Variants in LFNG observed in about 807,000 individuals in gnomAD.
LFNG encodes LFNG O-fucosylpeptide 3-beta-N-acetylglucosaminyltransferase.
A neutral mutation model predicts 32.7 loss-of-function variants in LFNG; 15 were observed. That is an observed-to-expected ratio of 0.46 (90% CI 0.31 to 0.71). LFNG has a LOEUF of 0.71. Among genes scored for constraint, LFNG ranks in the 30% least tolerant of loss-of-function variants. LFNG has a pLI of 0.06. For missense variants in LFNG, 520 were observed against 545.7 expected, an observed-to-expected ratio of 0.95 and a Z score of 0.47; for synonymous variants, 274 against 246.8, an observed-to-expected ratio of 1.11 and a Z score of -1.03.
chr7:2,518,690 G>A, upstream of LFNG: 1 of 1,532,638 alleles, frequency 6.5e-7, no homozygotes, highest in Non-Finnish European at 8.8e-7. Flanking sequence ...AGCCACGGTG[G>A]TGGCGGTGGT....
In LFNG at chr7:2,520,189, C is replaced by G; in HGVS notation, c.328C>G (p.Leu110Val). ...CCACCCGCGCCCCCTGGCCGAGCCG[C>G]TCGCGCCCCGAGACGTCTTCATCGC... ...DGHPRPLAEP[L>V]APRDVFIAVK... Residue 110 changes from leucine (L) to valine (V), a missense_variant, in exon 1 of 8, where the codon CTC (leucine) becomes GTC (valine). Leu to Val is a conservative substitution (Grantham distance 32). Coordinates refer to ENST00000222725, the MANE Select transcript of LFNG (RefSeq NM_001040167.2). The surrounding 1 kb of genome is among the most constrained non-coding windows in gnomAD (Gnocchi z 5.0). 6.3e-7 allele frequency: 1 copy of G among 1,580,224 alleles called. No homozygotes were observed. Among genetic ancestry groups the G allele is most frequent in the Non-Finnish European group, 8.6e-7 (1 of 1,165,100 alleles).
At position 2,527,252 on chromosome 7, in the gene LFNG, T is replaced by C. The variant is rs1327960812; in HGVS notation, c.*40T>C. On this transcript the variant is annotated 3_prime_UTR_variant, in exon 8 of 8. Coordinates refer to ENST00000222725, the MANE Select transcript of LFNG (RefSeq NM_001040167.2). The surrounding 1 kb of genome is among the most constrained non-coding windows in gnomAD (Gnocchi z 4.4). ...ACCCAATCCCTGGGCGCCCCTGGTATCCAAAGGGCCCAGGGACCCTGTTGC... is the reference window on the plus strand; with the variant it reads ...ACCCAATCCCTGGGCGCCCCTGGTACCCAAAGGGCCCAGGGACCCTGTTGC... 1 of 1,607,334 alleles carries C rather than the reference T, an allele frequency of 6.2e-7. No homozygotes were observed. Among genetic ancestry groups the C allele is most frequent in the Non-Finnish European group, 8.5e-7 (1 of 1,178,978 alleles).
chr7:2,520,604 G>GGA lies in LFNG; in HGVS notation c.432+313_432+314dup, dbSNP rs1779762378. Among the ~76,000 whole-genome samples, 1 of 152,234 alleles carries GGA rather than the reference G, an allele frequency of 6.6e-6. No individual in the cohort carries two copies. Among genetic ancestry groups the GGA allele is most frequent in the African/African-American group, 2.4e-5 (1 of 41,458 alleles). On this transcript the variant is annotated intron_variant, in intron 1 of 7. Transcript: ENST00000222725. This position sits in a 1 kb window ranked among gnomAD's most constrained non-coding sequence, Gnocchi z 5.0. ...TGATACTTCTCACCCCGTAAACATT[G>GGA]GAGCGCATTCATAGGGCATTATGTC...
At position 2,526,466 on chromosome 7, in the gene LFNG, CTG is replaced by C; in HGVS notation, c.987+58_987+59del. The C allele has an allele frequency of 1.9e-6, 3 of 1,583,978 alleles. No homozygotes were observed. On this transcript the variant is annotated intron_variant, in intron 6 of 7. Coordinates refer to ENST00000222725, the MANE Select transcript of LFNG (RefSeq NM_001040167.2). This position sits in a 1 kb window ranked among gnomAD's most constrained non-coding sequence, Gnocchi z 6.9. ...CGAGAGCACAGGAAGGGACGTGTGG[CTG>C]CCGAGAGGGGCGCAGTGGGGTGGGG...
upstream of LFNG, among the ~76,000 whole-genome samples, chr7:2,517,004 A>G (rs982252733): frequency 1.1e-4 from 16 of 151,788 alleles, no homozygotes; most frequent in African/African-American, 3.9e-4. Context: ...TTCACTGGCA[A>G]CTCGGTCAGC....
Position 2,526,693 on chromosome 7 carries a change from T to G in LFNG, c.988-143T>G. On this transcript the variant is annotated intron_variant, in intron 6 of 7. Coordinates refer to ENST00000222725, the MANE Select transcript of LFNG (RefSeq NM_001040167.2). This position sits in a 1 kb window ranked among gnomAD's most constrained non-coding sequence, Gnocchi z 6.9. ...GGTCCCCAGTTTGGGACCTTATTCCTGGGGTGTGCAGGGCAGGTGTCCTTC... is the reference window on the plus strand; with the variant it reads ...GGTCCCCAGTTTGGGACCTTATTCCGGGGGTGTGCAGGGCAGGTGTCCTTC... 1.2e-6 allele frequency: 1 copy of G among 803,042 alleles called. No homozygotes were observed. The highest frequency in any genetic ancestry group is 1.5e-5 in the South Asian group (1 of 67,278). The allele number at this position is 803,042 out of a possible 1,614,324, so 49.7% of individuals were successfully genotyped here. A position where few individuals can be genotyped will look rare whatever the true frequency, so the allele number is the denominator to read the frequency against.
intron 5 of LFNG, 119 bp downstream of exon 5, chr7:2,525,889 C>A: frequency 1.1e-6 from 1 of 884,076 alleles, no homozygotes; most frequent in Non-Finnish European, 1.8e-6. Context: ...GCACTGCCCA[C>A]TTACTTCCTA....
chr7:2,517,104 C>G (rs1244692336), upstream of LFNG, among the ~76,000 whole-genome samples: 1 of 152,168 alleles, frequency 6.6e-6, no homozygotes, highest in Admixed American at 6.5e-5. Flanking sequence ...CTGTGTGGCC[C>G]AGTGGGCCCC....
intron 1 of LFNG, chr7:2,512,773 C>T: frequency 1.5e-6 from 2 of 1,370,130 alleles, no homozygotes; most frequent in Admixed American, 1.7e-5. Context: ...AACCTGGAGC[C>T]CCCTATGTCT....
upstream of LFNG, chr7:2,513,027 A>T (rs1285695649): frequency 1.2e-6 from 1 of 841,110 alleles, no homozygotes; most frequent in Non-Finnish European, 1.9e-6. Context: ...TTCCTGGAAG[A>T]CTTTCCAGAA....
chr7:2,513,040 C>T (rs1321100238), upstream of LFNG: 5 of 960,088 alleles, frequency 5.2e-6, no homozygotes, highest in African/African-American at 1.6e-5. Context: ...TTCCAGAAGT[C>T]CCCTGCCTCC....
Position 2,519,801 on chromosome 7 carries a change from C to G in LFNG, c.-61C>G. 1.0e-6 allele frequency: 1 copy of G among 975,444 alleles called. No individual in the cohort carries two copies. Among genetic ancestry groups the G allele is most frequent in the Non-Finnish European group, 1.2e-6 (1 of 810,794 alleles). The allele number at this position is 975,444 out of a possible 1,614,324, so 60.4% of individuals were successfully genotyped here. On this transcript the variant is annotated 5_prime_UTR_variant, in exon 1 of 8. Coordinates refer to ENST00000222725, the MANE Select transcript of LFNG (RefSeq NM_001040167.2). ...TGGACTGCGCCGCCGGAGCGACGGG[C>G]TTCGGGTCGGTGCAAGGCAGGCGCA...
Position 2,527,559 on chromosome 7 carries a change from T to TG in LFNG, c.*347_*348insG, listed in dbSNP as rs1780030509. On this transcript the variant is annotated 3_prime_UTR_variant, in exon 8 of 8. Transcript: ENST00000222725. The surrounding 1 kb of genome is among the most constrained non-coding windows in gnomAD (Gnocchi z 4.4). Reference sequence around the variant, plus strand: ...TACAGCTACGGGGCTCCGGGCTACTTTGCAGGGATGCGATGCGTAGGTGCC... The same window carrying TG: ...TACAGCTACGGGGCTCCGGGCTACTTGTGCAGGGATGCGATGCGTAGGTGCC... 8.0e-7 allele frequency: 1 copy of TG among 1,247,272 alleles called. No homozygotes were observed. The highest frequency in any genetic ancestry group is 1.0e-6 in the Non-Finnish European group (1 of 980,712). 77.3% of individuals were successfully genotyped at this position (1,247,272 alleles called of 1,614,324 possible).
intron 1 of LFNG, among the ~76,000 whole-genome samples, chr7:2,523,275 C>T (rs1779844240): frequency 6.6e-6 from 1 of 152,146 alleles, no homozygotes; most frequent in Non-Finnish European, 1.5e-5. Context: ...TGTGGCTGCC[C>T]TGGGGTGTCT....
In LFNG at chr7:2,526,846, G is replaced by C. The variant is rs1299786526; in HGVS notation, c.998G>C (p.Ser333Thr). 6.2e-7 allele frequency: 1 copy of C among 1,612,560 alleles called. No individual in the cohort carries two copies. Residue 333 changes from serine to threonine, a missense_variant, in exon 7 of 8, where the codon AGC (serine) becomes ACC (threonine). Around this residue, in one of 3 missense-constraint regions of LFNG, gnomAD observed 150 missense variants for 159.9 expected, o/e 0.94. Transcript: ENST00000222725. The surrounding 1 kb of genome is among the most constrained non-coding windows in gnomAD (Gnocchi z 6.9). ...GCCCGCTCCCCACAGGTGACGCTGA[G>C]CTACGGTATGTTTGAAAACAAGCGG... ...TSELHEQVTL[S>T]YGMFENKRNA... is the part of the protein sequence containing the mutation.
At position 2,527,264 on chromosome 7, in the gene LFNG, A is replaced by G. The variant is rs1780016401; in HGVS notation, c.*52A>G. The G allele has an allele frequency of 1.2e-6, 2 of 1,603,086 alleles. No individual in the cohort carries two copies. The highest frequency in any genetic ancestry group is 1.7e-6 in the Non-Finnish European group (2 of 1,177,840). ...GGCGCCCCTGGTATCCAAAGGGCCC[A>G]GGGACCCTGTTGCGCTGCCCTGGCC... On this transcript the variant is annotated 3_prime_UTR_variant, in exon 8 of 8. Coordinates refer to ENST00000222725, the MANE Select transcript of LFNG (RefSeq NM_001040167.2). This position sits in a 1 kb window ranked among gnomAD's most constrained non-coding sequence, Gnocchi z 4.4.
chr7:2,526,972 CAG>C lies in LFNG; in HGVS notation c.1073+52_1073+53del. On this transcript the variant is annotated intron_variant, in intron 7 of 7. Transcript: ENST00000222725. The surrounding 1 kb of genome is among the most constrained non-coding windows in gnomAD (Gnocchi z 6.9). ...CTTGCGTAGGGTGGCCTAGGGGCGT[CAG>C]GGGGCCTCGTGGAGCTGCAGCAGGG... 6.5e-7 allele frequency: 1 copy of C among 1,550,300 alleles called. No homozygotes were observed. The highest frequency in any genetic ancestry group is 8.9e-7 in the Non-Finnish European group (1 of 1,126,844).
At chr7:2,525,018 C>T (rs747903701) in intron 2 of LFNG, among the ~76,000 whole-genome samples, 8 of 152,152 alleles carry the variant, frequency 5.3e-5, no homozygotes, top group African/African-American at 1.4e-4. Flanking sequence ...TGGGCGGGGG[C>T]GGGGCCGCCC....
Position 2,520,532 on chromosome 7 carries a change from G to A in LFNG, c.432+239G>A. On this transcript the variant is annotated intron_variant, in intron 1 of 7. Transcript: ENST00000222725. The surrounding 1 kb of genome is among the most constrained non-coding windows in gnomAD (Gnocchi z 5.0). The stretch of plus-strand genomic sequence containing the variant: ...CTGTCCAGCTCCAGAGTCCTGGATG[G>A]CTGCAGGACCCTACACCAGTCTCCA... 6.6e-6 allele frequency among the ~76,000 whole-genome samples: 1 copy of A among 152,220 alleles called. No individual in the cohort carries two copies. The highest frequency in any genetic ancestry group is 1.9e-4 in the East Asian group (1 of 5,184).
Sources: allele counts gnomAD v4.1 joint callset (sites outside exome capture counted in the v4.1 genomes callset), GRCh38; gene constraint gnomAD v4.1.1; regional missense constraint gnomAD v4.1.1; non-coding constraint Gnocchi (gnomAD v3.1); transcripts MANE v1.5; gene names NCBI Gene and HGNC (gene_info 2026-07-23, HGNC 2026-07-21).